WDR33: variants seen among roughly 807,000 people sequenced by gnomAD.
The protein encoded by WDR33 is WD repeat domain 33.
In WDR33, 47 loss-of-function variants were observed where a neutral mutation model predicts 164.9. That is an observed-to-expected ratio of 0.29 (90% confidence interval 0.23 to 0.36). The LOEUF (loss-of-function observed/expected upper bound fraction) is 0.36. Ranked by LOEUF, WDR33 falls within the 10% of genes least tolerant of loss-of-function variation. The pLI is 1.00. For synonymous variants in WDR33, 505 were observed against 589.0 expected, an observed-to-expected ratio of 0.86 and a Z score of 2.06; for missense variants, 1,137 against 1,754.1, an observed-to-expected ratio of 0.65 and a Z score of 6.28.
At position 127,711,181 on chromosome 2, in the gene WDR33, T is replaced by C. The variant is rs200590286; in HGVS notation, c.3309-1325A>G. Among the ~76,000 whole-genome samples, 37 of 152,222 alleles carry C rather than the reference T, an allele frequency of 2.4e-4. 1 individual carries two copies. The East Asian group carries it at 6.6e-3, about 27-fold the overall frequency. On this transcript the variant is annotated intron_variant, in intron 18 of 21. Coordinates refer to ENST00000322313, the MANE Select transcript of WDR33 (RefSeq NM_018383.5). ...GGCTCACACCTGTAATCCCAGCACTTTGGGAGGCCGAGGCAGGCAGATCAC... is the reference window on the plus strand; with the variant it reads ...GGCTCACACCTGTAATCCCAGCACTCTGGGAGGCCGAGGCAGGCAGATCAC...
At chr2:127,739,840 G>A (rs1686961731) in intron 7 of WDR33, among the ~76,000 whole-genome samples, 1 of 152,210 alleles carries the variant, frequency 6.6e-6, no homozygotes. Flanking sequence ...ATGGCTCGAT[G>A]TGAGAGCATG....
chr2:127,781,784 A>G (rs1469322451), intron 1 of WDR33, among the ~76,000 whole-genome samples: 1 of 151,890 alleles, frequency 6.6e-6, no homozygotes, highest in Non-Finnish European at 1.5e-5. Flanking sequence ...AGATCACCTG[A>G]GGTCGGGAGT....
chr2:127,769,183 C>G (rs1171856456), intron 2 of WDR33, among the ~76,000 whole-genome samples, 182 bp from the exon 3 acceptor site: 2 of 152,054 alleles, frequency 1.3e-5, no homozygotes, highest in Non-Finnish European at 2.9e-5. Context: ...CCCTTCTGAT[C>G]CTACTAACAT....
At chr2:127,759,288 G>A (rs1000247536) in intron 7 of WDR33, among the ~76,000 whole-genome samples, 11 of 152,078 alleles carry the variant, frequency 7.2e-5, no homozygotes, top group Non-Finnish European at 1.3e-4. Context: ...CAAATCCACC[G>A]TCAACAGATC....
In WDR33 at chr2:127,780,175, G is replaced by A. The variant is rs556006684; in HGVS notation, c.-23-9171C>T. Among the ~76,000 whole-genome samples the A allele has an allele frequency of 1.6e-4, 24 of 152,080 alleles. No homozygotes were observed. In the South Asian group the frequency reaches 2.5e-3, roughly 16 times the overall value. ...CTTTTAGTAGAGACGGGGTTTCACC[G>A]TGTTAGCCAGGATGGTCTCGATCTC... is the stretch of plus-strand genomic sequence containing the variant. On this transcript the variant is annotated intron_variant, in intron 1 of 21. Coordinates refer to ENST00000322313, the MANE Select transcript of WDR33 (RefSeq NM_018383.5).
At chr2:127,737,652 C>T in intron 7 of WDR33, 1 of 1,027,970 alleles carries the variant, frequency 9.7e-7, no homozygotes, top group Non-Finnish European at 1.2e-6. Flanking sequence ...AAAGAGAAGC[C>T]ATGACTGAAG....
rs767308190 is a variant in WDR33 at position 127,764,950 on chromosome 2, C to T, written c.504G>A (p.Thr168=). The part of the protein sequence containing the change: ...QAHDSPVRAM[T]WSHNDMWMLT... ...ACATCCACATGTCATTATGTGACCA[C>T]GTCATGGCCCTCACTGGGCTGTCGT... Residue 168 remains threonine, a synonymous_variant, in exon 6 of 22, where the codon ACG becomes ACA. Transcript: ENST00000322313. This position sits in a 1 kb window ranked among gnomAD's most constrained non-coding sequence, Gnocchi z 6.2. The T allele has an allele frequency of 4.3e-6, 7 of 1,614,018 alleles. No homozygotes were observed. The highest frequency in any genetic ancestry group is 1.7e-5 in the Admixed American group (1 of 60,006).
In WDR33 at chr2:127,706,179, C is replaced by T. The variant is rs1686004033; in HGVS notation, c.*144G>A. On this transcript the variant is annotated 3_prime_UTR_variant, in exon 22 of 22. Transcript: ENST00000322313. The surrounding 1 kb of genome is among the most constrained non-coding windows in gnomAD (Gnocchi z 5.1). ...GCAGCAGTCTCTTCATCTTGAAGAC[C>T]TCATTGAGGGTTCCTGGGATTCAGG... 1 of 698,922 alleles carries T rather than the reference C, an allele frequency of 1.4e-6. No homozygotes were observed. Among genetic ancestry groups the T allele is most frequent in the Non-Finnish European group, 2.2e-6 (1 of 461,218 alleles). The allele number at this position is 698,922 out of a possible 1,614,324, so 43.3% of individuals were successfully genotyped here.
At chr2:127,801,533 AAAAC>A (rs1573485007) in intron 1 of WDR33, among the ~76,000 whole-genome samples, 1 of 151,976 alleles carries the variant, frequency 6.6e-6, no homozygotes, top group Non-Finnish European at 1.5e-5. Flanking sequence ...AAAAAAAAAA[AAAAC>A]AGTACAATCA....
chr2:127,706,544 C>T lies in WDR33; in HGVS notation c.3790G>A (p.Gly1264Ser). 6.3e-7 allele frequency: 1 copy of T among 1,591,396 alleles called. No individual in the cohort carries two copies. The highest frequency in any genetic ancestry group is 8.5e-7 in the Non-Finnish European group (1 of 1,173,508). ...SEDRGGKGRG[G>S]PGPAQRVPKS... The stretch of plus-strand genomic sequence containing the variant: ...GGCACTCTCTGAGCAGGTCCTGGGC[C>T]CCCTCGGCCTGAAACAAAGAAAATT... Residue 1264 changes from glycine (G) to serine (S), a missense_variant, in exon 22 of 22, where the codon GGC (glycine) becomes AGC (serine). Gly to Ser is a moderately conservative substitution (Grantham distance 56). Transcript: ENST00000322313. This position sits in a 1 kb window ranked among gnomAD's most constrained non-coding sequence, Gnocchi z 5.1.
At chr2:127,797,552 G>A (rs1447378045) in intron 1 of WDR33, among the ~76,000 whole-genome samples, 1 of 152,074 alleles carries the variant, frequency 6.6e-6, no homozygotes, top group East Asian at 1.9e-4. Flanking sequence ...ATGTTTTAGT[G>A]GCTTTTTTTG....
chr2:127,742,089 C>G (rs186120777), intron 7 of WDR33, among the ~76,000 whole-genome samples: 1 of 152,118 alleles, frequency 6.6e-6, no homozygotes, highest in Non-Finnish European at 1.5e-5. Context: ...GTAATCCCAG[C>G]CACTCCAGAG....
At chr2:127,806,420 C>G (rs937175864) in intron 1 of WDR33, among the ~76,000 whole-genome samples, 3 of 151,974 alleles carry the variant, frequency 2.0e-5, no homozygotes, top group African/African-American at 7.2e-5. Context: ...GTTGGCCAGG[C>G]TGGTCTCAAA....
chr2:127,759,883 TA>T (rs905303806), intron 7 of WDR33, among the ~76,000 whole-genome samples: 1 of 152,020 alleles, frequency 6.6e-6, no homozygotes, highest in Non-Finnish European at 1.5e-5. Flanking sequence ...TCTATTTTTT[TA>T]AAAAAAATTA....
chr2:127,731,078 G>T (rs1237839387), intron 7 of WDR33, among the ~76,000 whole-genome samples: 1 of 151,976 alleles, frequency 6.6e-6, no homozygotes, highest in Non-Finnish European at 1.5e-5. Flanking sequence ...TGGATTGCTT[G>T]AATCCAGAAG....
In WDR33 at chr2:127,719,796, T is replaced by C; in HGVS notation, c.2229A>G (p.Pro743=). The C allele has an allele frequency of 6.2e-7, 1 of 1,613,714 alleles. No homozygotes were observed. The highest frequency in any genetic ancestry group is 1.3e-5 in the African/African-American group (1 of 75,026). Residue 743 remains proline (P), a synonymous_variant, in exon 16 of 22, where the codon CCA becomes CCG. Coordinates refer to ENST00000322313, the MANE Select transcript of WDR33 (RefSeq NM_018383.5). This position sits in a 1 kb window ranked among gnomAD's most constrained non-coding sequence, Gnocchi z 6.5. ...GPPGTQGMQG[P]PGPRGMQGPP... Reference sequence around the variant, plus strand: ...GCCCTTGCATTCCTCTGGGACCAGGTGGTCCCTGCATACCTTGAGTACCCG... The same window carrying C: ...GCCCTTGCATTCCTCTGGGACCAGGCGGTCCCTGCATACCTTGAGTACCCG...
intron 8 of WDR33, among the ~76,000 whole-genome samples, chr2:127,725,904 T>C (rs929395325): frequency 5.3e-5 from 8 of 152,102 alleles, no homozygotes; most frequent in Admixed American, 4.6e-4. Flanking sequence ...TTTCTCTAAT[T>C]AAGACAAAGC....
chr2:127,778,212 G>A (rs1688251396), intron 1 of WDR33, among the ~76,000 whole-genome samples: 1 of 151,876 alleles, frequency 6.6e-6, no homozygotes, highest in South Asian at 2.1e-4. Flanking sequence ...GAGGTGGGTG[G>A]GATCACCTGA....
chr2:127,707,229 T>TAAAAAAAA, intron 21 of WDR33, among the ~76,000 whole-genome samples: 1 of 122,594 alleles, frequency 8.2e-6, no homozygotes, highest in Non-Finnish European at 1.7e-5. Context: ...AGAATATATT[T>TAAAAAAAA]AAAAAAAAAA....
Sources: gnomAD v4.1 joint callset for allele counts (sites outside exome capture counted in the v4.1 genomes callset) on GRCh38, gnomAD v4.1.1 for gene constraint, Gnocchi (gnomAD v3.1) non-coding constraint, MANE v1.5 for transcripts, NCBI Gene and HGNC (gene_info 2026-07-23, HGNC 2026-07-21) for gene names.